PIK3R4: variants seen among roughly 807,000 people sequenced by gnomAD.
The protein encoded by PIK3R4 is phosphoinositide 3-kinase regulatory subunit 4.
A neutral mutation model predicts 136.5 loss-of-function variants in PIK3R4; 46 were observed. The ratio of observed to expected loss-of-function variants is 0.34; its 90% CI spans 0.27 to 0.43. PIK3R4 has a LOEUF of 0.43. Ranked by LOEUF, PIK3R4 falls within the 20% of genes least tolerant of loss-of-function variation. PIK3R4 has a pLI of 1.00. For synonymous variants in PIK3R4, 557 were observed against 566.7 expected, an observed-to-expected ratio of 0.98 and a Z score of 0.24; for missense variants, 1,331 against 1,649.5, an observed-to-expected ratio of 0.81 and a Z score of 3.35.
chr3:130,680,967 G>T lies in PIK3R4; in HGVS notation c.3797+10C>A, dbSNP rs1476138817. On this transcript the variant is annotated intron_variant, in intron 18 of 19. Coordinates refer to ENST00000356763, the MANE Select transcript of PIK3R4 (RefSeq NM_014602.3). Reference sequence around the variant, plus strand: ...AGTATCCATTTTATTAAAGTATTGAGATAGTGTACCTTATTTTCATATCTG... The same window carrying T: ...AGTATCCATTTTATTAAAGTATTGATATAGTGTACCTTATTTTCATATCTG... 1.5e-6 allele frequency: 2 copies of T among 1,350,010 alleles called. No homozygotes were observed. Among genetic ancestry groups the T allele is most frequent in the South Asian group, 2.5e-5 (2 of 80,470 alleles). The allele number at this position is 1,350,010 out of a possible 1,614,324, so 83.6% of individuals were successfully genotyped here.
At chr3:130,700,172 C>T (rs559065011) in intron 13 of PIK3R4, among the ~76,000 whole-genome samples, 16 of 152,280 alleles carry the variant, frequency 1.1e-4, no homozygotes, top group African/African-American at 3.9e-4. Flanking sequence ...AAGATTCAGA[C>T]ATCAGGCTTT....
intron 12 of PIK3R4, among the ~76,000 whole-genome samples, chr3:130,704,784 G>T (rs1404154555): frequency 1.3e-5 from 2 of 151,902 alleles, no homozygotes; most frequent in Non-Finnish European, 2.9e-5. Context: ...CATCGTTAAG[G>T]CGTAGGGTTA....
intron 14 of PIK3R4, among the ~76,000 whole-genome samples, chr3:130,687,380 CAT>C (rs1242946970): frequency 1.3e-5 from 2 of 152,124 alleles, no homozygotes; most frequent in African/African-American, 4.8e-5. Flanking sequence ...TAACTTGAAT[CAT>C]GTGAATTAAG....
chr3:130,705,482 T>C, intron 12 of PIK3R4, 79 bp downstream of exon 12: 2 of 889,554 alleles, frequency 2.2e-6, no homozygotes, highest in South Asian at 3.1e-5. Context: ...GTCTGGTAGT[T>C]AAGTATTCAT....
chr3:130,708,459 C>G lies in PIK3R4; in HGVS notation c.2365G>C (p.Ala789Pro), dbSNP rs1359465095. ...GATTTCATCATGAAGTCTTTCAGTG[C>G]CAGAAGTTTGTCTTCCTCTTCCTCT... is the stretch of plus-strand genomic sequence containing the variant. The part of the protein sequence containing the change: ...MTEEEEDKLL[A>P]LKDFMMKSNK... Residue 789 changes from alanine (A) to proline (P), a missense_variant, in exon 10 of 20, where the codon GCA becomes CCA. By Grantham distance (27) the Ala-to-Pro change is conservative. Around this residue, in one of 2 missense-constraint regions of PIK3R4, gnomAD observed 1,180 missense variants for 1,407.0 expected, o/e 0.84. Transcript: ENST00000356763. 6.2e-7 allele frequency: 1 copy of G among 1,613,020 alleles called. No homozygotes were observed.
chr3:130,719,915 T>G (rs950209872), intron 7 of PIK3R4, among the ~76,000 whole-genome samples: 5 of 152,168 alleles, frequency 3.3e-5, no homozygotes, highest in African/African-American at 1.2e-4. Flanking sequence ...GAACATGATG[T>G]GGGTAGCTAC....
rs1382633677 is a variant in PIK3R4, at chr3:130,698,562, A to G, written c.3098+5161T>C. ...TTATGATTTCTATCTCTTTATTGAT[A>G]TTGTCTATTTGGTTAGACACTGTTC... On this transcript the variant is annotated intron_variant, in intron 13 of 19. Coordinates refer to ENST00000356763, the MANE Select transcript of PIK3R4 (RefSeq NM_014602.3). Among the ~76,000 whole-genome samples the G allele has an allele frequency of 3.9e-5, 6 of 152,110 alleles. No individual in the cohort carries two copies. The East Asian group carries it at 1.2e-3, about 29-fold the overall frequency.
chr3:130,691,131 G>A (rs139579331), intron 13 of PIK3R4, among the ~76,000 whole-genome samples: 4 of 152,088 alleles, frequency 2.6e-5, no homozygotes, highest in African/African-American at 7.2e-5. Flanking sequence ...CTTTTCTAAT[G>A]AGAACTCCCA....
intron 14 of PIK3R4, among the ~76,000 whole-genome samples, chr3:130,687,812 T>C (rs1369523319): frequency 6.6e-6 from 1 of 152,176 alleles, no homozygotes; most frequent in African/African-American, 2.4e-5. Context: ...AAATACTTCC[T>C]AATTTTTTGA....
chr3:130,689,773 T>C (rs1364094533), intron 14 of PIK3R4, among the ~76,000 whole-genome samples: 3 of 152,236 alleles, frequency 2.0e-5, no homozygotes, highest in East Asian at 1.9e-4. Flanking sequence ...AATTACCACA[T>C]TGCACTGAAA....
At chr3:130,739,076 T>A (rs1404987494) in intron 2 of PIK3R4, among the ~76,000 whole-genome samples, 1 of 151,596 alleles carries the variant, frequency 6.6e-6, no homozygotes, top group Non-Finnish European at 1.5e-5. Flanking sequence ...TTTGTTTTTT[T>A]GTTTTGTTTT....
At chr3:130,720,697 A>G (rs1198275758) in intron 7 of PIK3R4, among the ~76,000 whole-genome samples, 1 of 152,186 alleles carries the variant, frequency 6.6e-6, no homozygotes, top group Non-Finnish European at 1.5e-5. Context: ...AACAACTATC[A>G]ATGCATGAAA....
chr3:130,724,937 A>G (rs1363348052), intron 6 of PIK3R4, among the ~76,000 whole-genome samples: 1 of 151,996 alleles, frequency 6.6e-6, no homozygotes, highest in Non-Finnish European at 1.5e-5. Context: ...TAAAAGCAGA[A>G]AGCTGAGTAG....
chr3:130,681,340 T>C, intron 17 of PIK3R4, 151 bp downstream of exon 17: 1 of 644,036 alleles, frequency 1.6e-6, no homozygotes, highest in Non-Finnish European at 2.8e-6. Context: ...AACACTCATG[T>C]AGCAATGGCC....
chr3:130,720,134 T>C (rs2066690460), intron 7 of PIK3R4, among the ~76,000 whole-genome samples: 1 of 152,186 alleles, frequency 6.6e-6, no homozygotes, highest in African/African-American at 2.4e-5. Flanking sequence ...GCACCTCAAA[T>C]ACTCAAAACA....
chr3:130,727,952 T>G (rs1193845723), intron 6 of PIK3R4, among the ~76,000 whole-genome samples: 1 of 150,460 alleles, frequency 6.6e-6, no homozygotes, highest in East Asian at 1.9e-4. Context: ...AAAAAAAAAA[T>G]GCTGCTTAAA....
intron 14 of PIK3R4, among the ~76,000 whole-genome samples, chr3:130,687,271 T>C (rs1460149079): frequency 1.3e-5 from 2 of 152,152 alleles, no homozygotes; most frequent in Non-Finnish European, 2.9e-5. Flanking sequence ...GTGTGGAATT[T>C]TTCACTTGTG....
At chr3:130,721,293 C>T (rs1043335467) in intron 7 of PIK3R4, among the ~76,000 whole-genome samples, 4 of 148,462 alleles carry the variant, frequency 2.7e-5, no homozygotes, top group Non-Finnish European at 5.9e-5. Flanking sequence ...GCCAAGACGG[C>T]GCCACTGCAG....
At chr3:130,727,353 G>A (rs2066738067) in intron 6 of PIK3R4, among the ~76,000 whole-genome samples, 1 of 149,950 alleles carries the variant, frequency 6.7e-6, no homozygotes, top group Non-Finnish European at 1.5e-5. Context: ...CCCTCCCGCC[G>A]CCTCCGAGTA....
Sources: gnomAD v4.1 joint callset for allele counts (sites outside exome capture counted in the v4.1 genomes callset) on GRCh38, gnomAD v4.1.1 for gene constraint, gnomAD v4.1.1 regional missense constraint, MANE v1.5 for transcripts, NCBI Gene and HGNC (gene_info 2026-07-23, HGNC 2026-07-21) for gene names.